TNR: variants seen among roughly 807,000 people sequenced by gnomAD.
TNR encodes tenascin R.
TNR carries 45 observed loss-of-function variants against 150.4 expected under a neutral mutation model. The ratio of observed to expected loss-of-function variants is 0.30; its 90% CI spans 0.24 to 0.38. The LOEUF is 0.38. Among genes scored for constraint, TNR ranks in the 10% least tolerant of loss-of-function variants. The pLI is 1.00. For synonymous variants in TNR, 687 were observed against 678.4 expected (o/e 1.01, Z -0.20); for missense variants, 1,544 against 1,759.1 (o/e 0.88, Z 2.19).
chr1:175,704,872 C>T (rs566354926), intron 1 of TNR, among the ~76,000 whole-genome samples: 20 of 152,300 alleles, frequency 1.3e-4, no homozygotes, highest in South Asian at 4.2e-4. Flanking sequence ...GGCTTATCAA[C>T]GGCTCCCTTC....
chr1:175,491,552 T>C (rs1471991293), intron 2 of TNR, among the ~76,000 whole-genome samples: 1 of 151,714 alleles, frequency 6.6e-6, no homozygotes, highest in East Asian at 1.9e-4. Context: ...CACAAGTTAG[T>C]GGAAGCATCT....
intron 1 of TNR, among the ~76,000 whole-genome samples, chr1:175,531,760 A>G (rs527505469): frequency 1.2e-4 from 19 of 152,362 alleles, no homozygotes; most frequent in African/African-American, 4.3e-4. Context: ...ACATCCTATG[A>G]AATATGTCTA....
At chr1:175,703,657 G>C (rs1239628852) in intron 1 of TNR, among the ~76,000 whole-genome samples, 1 of 152,076 alleles carries the variant, frequency 6.6e-6, no homozygotes, top group Non-Finnish European at 1.5e-5. Flanking sequence ...ATAGACAAAT[G>C]AGCAAAAGAT....
rs561536173 is a variant in TNR, at chr1:175,686,046, C to T, written c.-165+57180G>A. On this transcript the variant is annotated intron_variant, in intron 1 of 22. Transcript: ENST00000367674. ...AGACTGGATCTCAATTTTGATTGCA[C>T]GCACACACGCACACACACACACACA... is the stretch of plus-strand genomic sequence containing the variant. 1.9e-3 allele frequency among the ~76,000 whole-genome samples: 284 copies of T among 152,076 alleles called. 1 individual carries two copies. Among genetic ancestry groups the T allele is most frequent in the African/African-American group, 5.9e-3 (245 of 41,482 alleles).
At chr1:175,352,479 G>A (rs986642590) in intron 18 of TNR, among the ~76,000 whole-genome samples, 5 of 152,174 alleles carry the variant, frequency 3.3e-5, no homozygotes, top group Admixed American at 6.5e-5. Context: ...AAGTGGTAGC[G>A]TGGAAAAGAG....
In TNR at chr1:175,547,559, TAGA is replaced by T. The variant is rs557141829; in HGVS notation, c.-164-19193_-164-19191del. 3.8e-5 allele frequency among the ~76,000 whole-genome samples: 4 copies of T among 105,460 alleles called. No homozygotes were observed. In the South Asian group the frequency reaches 1.2e-3, roughly 32 times the overall value. The allele number at this position is 105,460 out of a possible 152,430, so 69.2% of individuals were successfully genotyped here. ...CATTTAGACAAAGGAGAAAGAAAGATAGAAGGAAAGAAAGAAAGAAAGAAAGAA... is the reference window on the plus strand; with the variant it reads ...CATTTAGACAAAGGAGAAAGAAAGATAGGAAAGAAAGAAAGAAAGAAAGAA... On this transcript the variant is annotated intron_variant, in intron 1 of 22. Transcript: ENST00000367674.
intron 1 of TNR, among the ~76,000 whole-genome samples, chr1:175,736,398 G>A (rs1667772841): frequency 6.6e-6 from 1 of 152,140 alleles, no homozygotes; most frequent in Non-Finnish European, 1.5e-5. Context: ...GCCGGTGCCT[G>A]TAGTCCCAGC....
chr1:175,435,148 G>A (rs1655443929), intron 2 of TNR, among the ~76,000 whole-genome samples: 1 of 152,196 alleles, frequency 6.6e-6, no homozygotes, highest in Non-Finnish European at 1.5e-5. Context: ...GGCTGCTTAT[G>A]CAGAATGGTC....
chr1:175,406,914 C>A, intron 2 of TNR, 137 bp from the exon 3 acceptor site: 4 of 642,090 alleles, frequency 6.2e-6, no homozygotes, highest in Non-Finnish European at 8.0e-6. Flanking sequence ...ACAGTGGCTG[C>A]CAATGTCATA....
At chr1:175,684,135 A>T (rs1045120138) in intron 1 of TNR, among the ~76,000 whole-genome samples, 5 of 152,152 alleles carry the variant, frequency 3.3e-5, no homozygotes, top group Non-Finnish European at 7.4e-5. Flanking sequence ...CAGTCACTGG[A>T]GGAAGGCTGA....
chr1:175,737,849 G>C (rs975963740), intron 1 of TNR, among the ~76,000 whole-genome samples: 1 of 152,120 alleles, frequency 6.6e-6, no homozygotes, highest in Non-Finnish European at 1.5e-5. Context: ...GGGTCTGTTG[G>C]CTCATTTGTC....
At chr1:175,629,174 C>T (rs554571605) in intron 1 of TNR, among the ~76,000 whole-genome samples, 39 of 152,294 alleles carry the variant, frequency 2.6e-4, no homozygotes, top group African/African-American at 9.4e-4. Flanking sequence ...TCTGCTTTAA[C>T]ATATGGCCAG....
chr1:175,690,103 A>T (rs1367612329), intron 1 of TNR, among the ~76,000 whole-genome samples: 1 of 152,224 alleles, frequency 6.6e-6, no homozygotes, highest in Non-Finnish European at 1.5e-5. Context: ...ACAAGTTCAT[A>T]TAGGAAGAAC....
At chr1:175,453,828 C>T (rs1230441827) in intron 2 of TNR, among the ~76,000 whole-genome samples, 1 of 152,210 alleles carries the variant, frequency 6.6e-6, no homozygotes, top group Non-Finnish European at 1.5e-5. Context: ...CTGCCTTGGC[C>T]TCTCAAAGTG....
chr1:175,589,924 C>T (rs548955612), intron 1 of TNR, among the ~76,000 whole-genome samples: 281 of 152,278 alleles, frequency 1.8e-3, no homozygotes, highest in Non-Finnish European at 3.1e-3. Context: ...TGCAGCAAAC[C>T]ACCATGGCAT....
At chr1:175,652,375 G>A (rs2101890454) in intron 1 of TNR, among the ~76,000 whole-genome samples, 1 of 151,888 alleles carries the variant, frequency 6.6e-6, no homozygotes, top group East Asian at 1.9e-4. Flanking sequence ...AAATTCACAG[G>A]TAGGATACAA....
intron 1 of TNR, among the ~76,000 whole-genome samples, chr1:175,605,901 G>A (rs916326663): frequency 1.3e-5 from 2 of 152,136 alleles, no homozygotes; most frequent in Non-Finnish European, 2.9e-5. Flanking sequence ...GCTCTCTGCT[G>A]TTTGGTCTGT....
intron 19 of TNR, among the ~76,000 whole-genome samples, chr1:175,336,506 G>A (rs1650260336): frequency 6.6e-6 from 1 of 152,236 alleles, no homozygotes; most frequent in Non-Finnish European, 1.5e-5. Context: ...GGAGGGGCTG[G>A]TTTTCCATCC....
chr1:175,598,584 C>T (rs913665516), intron 1 of TNR, among the ~76,000 whole-genome samples: 5 of 152,162 alleles, frequency 3.3e-5, no homozygotes, highest in African/African-American at 4.8e-5. Flanking sequence ...AGAAGGCATG[C>T]GTGAAATGGC....
Sources: allele counts gnomAD v4.1 joint callset (sites outside exome capture counted in the v4.1 genomes callset), GRCh38; gene constraint gnomAD v4.1.1; transcripts MANE v1.5; gene names NCBI Gene and HGNC (gene_info 2026-07-23, HGNC 2026-07-21).